Variants in SCUBE2 observed in about 807,000 individuals in gnomAD.
The protein encoded by SCUBE2 is signal peptide, CUB and EGF-like domain-containing protein 2.
Under a neutral mutation model 125.9 loss-of-function variants are expected in SCUBE2, and 114 were observed. That is an observed-to-expected ratio of 0.91 (90% CI 0.78 to 1.06). SCUBE2 has a LOEUF of 1.06. Among genes scored for constraint, SCUBE2 ranks in the 50% least tolerant of loss-of-function variants. SCUBE2 has a pLI of 0.00. For missense variants in SCUBE2, 1,255 were observed against 1,301.8 expected (o/e 0.96, Z 0.55); for synonymous variants, 459 against 492.9 (o/e 0.93, Z 0.91).
intron 2 of SCUBE2, among the ~76,000 whole-genome samples, chr11:9,083,889 C>T (rs1447227735): frequency 6.6e-6 from 1 of 152,006 alleles, no homozygotes; most frequent in Non-Finnish European, 1.5e-5. Flanking sequence ...TCAGTGTTAA[C>T]TAATTGTTTT....
chr11:9,056,194 T>A (rs1290105166), intron 9 of SCUBE2, among the ~76,000 whole-genome samples: 2 of 152,226 alleles, frequency 1.3e-5, no homozygotes, highest in African/African-American at 2.4e-5. Flanking sequence ...CAGGGCTAAT[T>A]TAAAATGTTT....
At chr11:9,085,122 A>G (rs891134705) in intron 2 of SCUBE2, among the ~76,000 whole-genome samples, 49 of 152,198 alleles carry the variant, frequency 3.2e-4, no homozygotes, top group Admixed American at 1.3e-4. Context: ...GTCAGGAAAG[A>G]CTGAGGAACT....
At chr11:9,047,257 C>G in intron 16 of SCUBE2, 99 bp downstream of exon 16, 1 of 1,206,240 alleles carries the variant, frequency 8.3e-7, no homozygotes, top group Non-Finnish European at 1.2e-6. Flanking sequence ...CTAAAGTGAG[C>G]CCTGAGAAGG....
At position 9,086,310 on chromosome 11, in the gene SCUBE2, A is replaced by G. The variant is rs867245783; in HGVS notation, c.256+3397T>C. 1.5e-4 allele frequency among the ~76,000 whole-genome samples: 23 copies of G among 152,210 alleles called. 1 individual carries two copies. The highest frequency in any genetic ancestry group is 3.3e-4 in the Admixed American group (5 of 15,282). ...CTTTATGGAAGATAAAATTCTAGTT[A>G]CTCTGAGTAAACCTGATCCTCATCC... On this transcript the variant is annotated intron_variant, in intron 2 of 22. Coordinates refer to ENST00000649792, the MANE Select transcript of SCUBE2 (RefSeq NM_001367977.2).
chr11:9,086,454 T>C (rs547758585), intron 2 of SCUBE2, among the ~76,000 whole-genome samples: 3 of 152,244 alleles, frequency 2.0e-5, no homozygotes, highest in Non-Finnish European at 4.4e-5. Context: ...GTTACATCTT[T>C]GTATATCTAC....
chr11:9,052,822 C>A lies in SCUBE2; in HGVS notation c.1458G>T (p.Gly486=), dbSNP rs1001432343. Reference sequence around the variant, plus strand: ...AAGAGCCACAGGTGACAGAGTAGGCCCCTTGCAGTCCTGACAGACAGAATG... The same window carrying A: ...AAGAGCCACAGGTGACAGAGTAGGCACCTTGCAGTCCTGACAGACAGAATG... ...SGIHLSSGLQ[G]AYSVTCGSSS... The change falls in exon 13 of 23, where the codon GGG becomes GGT. Residue 486 remains glycine (G), a synonymous_variant. Coordinates refer to ENST00000649792, the MANE Select transcript of SCUBE2 (RefSeq NM_001367977.2). 3 of 1,536,574 alleles carry A rather than the reference C, an allele frequency of 2.0e-6. No individual in the cohort carries two copies. Among genetic ancestry groups the A allele is most frequent in the Admixed American group, 3.9e-5 (2 of 50,984 alleles).
At chr11:9,063,462 A>C (rs1196354707) in intron 7 of SCUBE2, among the ~76,000 whole-genome samples, 1 of 152,234 alleles carries the variant, frequency 6.6e-6, no homozygotes, top group Non-Finnish European at 1.5e-5. Context: ...ACAAAGGATC[A>C]AGAATAAAAA....
chr11:9,022,037 G>A, intron 21 of SCUBE2, 82 bp from the exon 22 acceptor site: 1 of 1,024,466 alleles, frequency 9.8e-7, no homozygotes, highest in South Asian at 1.3e-5. Flanking sequence ...ATAAGGTTCT[G>A]AGAAATGCCC....
chr11:9,091,497 G>C lies in SCUBE2; in HGVS notation c.32C>G (p.Ala11Gly). 1 of 1,100,526 alleles carries C rather than the reference G, an allele frequency of 9.1e-7. No individual in the cohort carries two copies. The allele number at this position is 1,100,526 out of a possible 1,614,324, so 68.2% of individuals were successfully genotyped here. ...CAGCAGCAGCAGCACCGCCCAGGCC[G>C]CCCCGGGACGGTTGCGGCCCGCGAC... MGVAGRNRPG[A>G]AWAVLLLLLL... Residue 11 changes from alanine (A) to glycine (G), a missense_variant, in exon 1 of 23, where the codon GCG becomes GGG. Ala to Gly is a moderately conservative substitution (Grantham distance 60). Transcript: ENST00000649792. The surrounding 1 kb of genome is among the most constrained non-coding windows in gnomAD (Gnocchi z 8.5).
intron 20 of SCUBE2, chr11:9,026,065 G>A (rs1047929943): frequency 2.0e-6 from 1 of 512,758 alleles, no homozygotes; most frequent in African/African-American, 1.9e-5. Flanking sequence ...ACACCTGAAA[G>A]ACCTGGGGCT....
Position 9,091,236 on chromosome 11 carries a change from C to T in SCUBE2, c.133+160G>A, listed in dbSNP as rs1284195281. On this transcript the variant is annotated intron_variant, in intron 1 of 22. Transcript: ENST00000649792. This position sits in a 1 kb window ranked among gnomAD's most constrained non-coding sequence, Gnocchi z 8.5. ...CCCCAGCGGTCGTGGCGCCTTGGCC[C>T]GGCCGGCGGGTGAGGTCCCGGGGGG... 1.3e-5 allele frequency among the ~76,000 whole-genome samples: 2 copies of T among 152,104 alleles called. No homozygotes were observed. Among genetic ancestry groups the T allele is most frequent in the African/African-American group, 2.4e-5 (1 of 41,428 alleles).
intron 2 of SCUBE2, among the ~76,000 whole-genome samples, chr11:9,082,769 G>A (rs1297021060): frequency 6.6e-6 from 1 of 152,166 alleles, no homozygotes; most frequent in Non-Finnish European, 1.5e-5. Context: ...GTCCAGAAAA[G>A]GCAAATATAC....
At chr11:9,024,543 T>A in intron 21 of SCUBE2, 1 of 524,046 alleles carries the variant, frequency 1.9e-6, no homozygotes. Flanking sequence ...ATTAAGTCTA[T>A]CCTCCAGAGC....
At chr11:9,029,349 C>T (rs1020307917) in intron 19 of SCUBE2, among the ~76,000 whole-genome samples, 2 of 152,204 alleles carry the variant, frequency 1.3e-5, no homozygotes, top group Non-Finnish European at 2.9e-5. Flanking sequence ...TTGCCTCGAT[C>T]TGTGCTTCCC....
chr11:9,065,406 G>T (rs1860114499), intron 7 of SCUBE2, among the ~76,000 whole-genome samples: 1 of 152,102 alleles, frequency 6.6e-6, no homozygotes, highest in African/African-American at 2.4e-5. Context: ...TGTGAAGAAG[G>T]TACCTTGCTT....
Position 9,066,685 on chromosome 11 carries a change from G to A in SCUBE2, c.760+12C>T, listed in dbSNP as rs368890179. On this transcript the variant is annotated intron_variant, in intron 6 of 22. Transcript: ENST00000649792. ...GTGCAGACCCTCACTCAGTGTTGGG[G>A]TTGCCACTCACCAAGGCAGCTCCTC... 179 of 1,605,634 alleles carry A rather than the reference G, an allele frequency of 1.1e-4. No homozygotes were observed. Among genetic ancestry groups the A allele is most frequent in the Admixed American group, 2.8e-4 (17 of 59,980 alleles).
chr11:9,091,460 C>A lies in SCUBE2; in HGVS notation c.69G>T (p.Pro23=). The A allele has an allele frequency of 7.8e-7, 1 of 1,280,712 alleles. No homozygotes were observed. The highest frequency in any genetic ancestry group is 9.8e-7 in the Non-Finnish European group (1 of 1,020,972). The allele number at this position is 1,280,712 out of a possible 1,614,324, so 79.3% of individuals were successfully genotyped here. The part of the protein sequence containing the change: ...WAVLLLLLLL[P]PLLLLAGAVP... ...CGGCCCCCGCCAGCAGCAGCAGTGG[C>A]GGCAGCAGCAGCAGCAGCAGCAGCA... The change falls in exon 1 of 23, where the codon CCG becomes CCT. Residue 23 remains proline, a synonymous_variant. Coordinates refer to ENST00000649792, the MANE Select transcript of SCUBE2 (RefSeq NM_001367977.2). This position sits in a 1 kb window ranked among gnomAD's most constrained non-coding sequence, Gnocchi z 8.5.
chr11:9,069,582 C>A, intron 4 of SCUBE2, 87 bp from the exon 5 acceptor site: 5 of 1,556,390 alleles, frequency 3.2e-6, no homozygotes, highest in Non-Finnish European at 3.5e-6. Context: ...AGGGGTGGCC[C>A]ACAGATCTGT....
chr11:9,053,240 A>G (rs1423553533), intron 11 of SCUBE2, 25 bp from the exon 12 acceptor site: 1 of 1,578,134 alleles, frequency 6.3e-7, no homozygotes, highest in Non-Finnish European at 8.7e-7. Context: ...ACAGACACTT[A>G]CAGAAAGAGA....
Sources: gnomAD v4.1 joint callset for allele counts (sites outside exome capture counted in the v4.1 genomes callset) on GRCh38, gnomAD v4.1.1 for gene constraint, Gnocchi (gnomAD v3.1) non-coding constraint, MANE v1.5 for transcripts, NCBI Gene and HGNC (gene_info 2026-07-23, HGNC 2026-07-21) for gene names.